Variants in NRP1 observed in about 807,000 individuals in gnomAD.
The protein encoded by NRP1 is neuropilin-1.
A neutral mutation model predicts 106.7 loss-of-function variants in NRP1; 35 were observed. The ratio of observed to expected loss-of-function variants is 0.33; its 90% CI spans 0.25 to 0.43. The LOEUF is 0.43. Among genes scored for constraint, NRP1 ranks in the 20% least tolerant of loss-of-function variants. NRP1 has a pLI of 1.00. For synonymous variants in NRP1, 437 were observed against 417.9 expected (o/e 1.05, Z -0.56); for missense variants, 1,024 against 1,170.4 (o/e 0.87, Z 1.83).
Position 33,231,186 on chromosome 10 carries a change from T to C in NRP1, c.982-4897A>G, listed in dbSNP as rs375764462. 3.3e-5 allele frequency among the ~76,000 whole-genome samples: 5 copies of C among 152,342 alleles called. No individual in the cohort carries two copies. In the South Asian group the frequency reaches 1.0e-3, roughly 32 times the overall value. On this transcript the variant is annotated intron_variant, in intron 6 of 16. Coordinates refer to ENST00000374867, the MANE Select transcript of NRP1 (RefSeq NM_003873.7). ...TGGCCTAGTAGGCTAAACCCCTTTATAGCTCATGTCCCCATCACTGAATTC... is the reference window on the plus strand; with the variant it reads ...TGGCCTAGTAGGCTAAACCCCTTTACAGCTCATGTCCCCATCACTGAATTC...
chr10:33,227,377 T>C (rs1839755489), intron 6 of NRP1, among the ~76,000 whole-genome samples: 1 of 152,206 alleles, frequency 6.6e-6, no homozygotes, highest in Admixed American at 6.5e-5. Flanking sequence ...TTGAAAGCTC[T>C]AAGGGTGTTG....
At chr10:33,242,595 T>A (rs1841105727) in intron 6 of NRP1, among the ~76,000 whole-genome samples, 1 of 152,180 alleles carries the variant, frequency 6.6e-6, no homozygotes. Flanking sequence ...TATCAAAAAA[T>A]TTTTCTTCAG....
chr10:33,237,260 G>C (rs947669411), intron 6 of NRP1, among the ~76,000 whole-genome samples: 11 of 152,152 alleles, frequency 7.2e-5, no homozygotes, highest in African/African-American at 2.2e-4. Context: ...AGGTAATGAT[G>C]TTATGAGACT....
In NRP1 at chr10:33,180,304, G is replaced by T. The variant is rs543044390; in HGVS notation, c.2544C>A (p.Gly848=). The change falls in exon 17 of 17, where the codon GGC becomes GGA. Residue 848 remains glycine (G), a synonymous_variant. Transcript: ENST00000374867. ...EGDKNISRKP[G]NVLKTLDPIL... is the part of the protein sequence containing the mutation. ...TGGGGTCTAAGGTCTTCAACACATT[G>T]CCTGGCTTCCTGGAGATGTTCTTGT... 1.2e-6 allele frequency: 2 copies of T among 1,608,900 alleles called. No individual in the cohort carries two copies. Among genetic ancestry groups the T allele is most frequent in the African/African-American group, 1.3e-5 (1 of 74,912 alleles).
chr10:33,270,502 T>A (rs917334712), intron 3 of NRP1, among the ~76,000 whole-genome samples, 173 bp downstream of exon 3: 2 of 152,068 alleles, frequency 1.3e-5, no homozygotes, highest in Non-Finnish European at 1.5e-5. Context: ...AATTTTTGTA[T>A]TTTTAGTGGA....
At chr10:33,277,277 C>T (rs1330394136) in intron 2 of NRP1, among the ~76,000 whole-genome samples, 1 of 152,122 alleles carries the variant, frequency 6.6e-6, no homozygotes, top group African/African-American at 2.4e-5. Context: ...TCTGGTGAGT[C>T]CCACTGAATG....
intron 4 of NRP1, among the ~76,000 whole-genome samples, chr10:33,262,520 T>C (rs1355596199): frequency 6.6e-6 from 1 of 151,872 alleles, no homozygotes; most frequent in Admixed American, 6.6e-5. Context: ...CTGGCCAACA[T>C]GGTGAAAACC....
intron 10 of NRP1, among the ~76,000 whole-genome samples, chr10:33,203,438 TTTATA>T (rs1352934042): frequency 6.6e-6 from 1 of 152,210 alleles, no homozygotes; most frequent in Admixed American, 6.5e-5. Context: ...GTTTGCTAAG[TTTATA>T]TTATAATTCT....
At chr10:33,315,729 C>T (rs1391767821) in intron 2 of NRP1, among the ~76,000 whole-genome samples, 2 of 149,988 alleles carry the variant, frequency 1.3e-5, no homozygotes, top group Non-Finnish European at 1.5e-5. Flanking sequence ...AAAGAAAGAC[C>T]GCATTTACTT....
intron 11 of NRP1, 35 bp downstream of exon 11, chr10:33,202,856 A>G: frequency 2.5e-6 from 4 of 1,614,196 alleles, no homozygotes; most frequent in Non-Finnish European, 3.4e-6. Context: ...ATGAACTGAA[A>G]TGGTACAGCA....
chr10:33,333,025 A>AT (rs1446913031), intron 1 of NRP1, among the ~76,000 whole-genome samples: 2 of 152,188 alleles, frequency 1.3e-5, no homozygotes, highest in African/African-American at 4.8e-5. Context: ...CAGGGTTACT[A>AT]TAATTTCTAG....
chr10:33,209,635 C>G lies in NRP1; in HGVS notation c.1615-1919G>C, dbSNP rs552345066. Among the ~76,000 whole-genome samples, 101 of 152,194 alleles carry G rather than the reference C, an allele frequency of 6.6e-4. 2 individuals are homozygous for G. The South Asian group carries it at 8.3e-3, about 13-fold the overall frequency. ...GGGCCTGCAGGTGCCCACCAACATG[C>G]CTGGCTGATTTTTGCATTTTCAGTA... On this transcript the variant is annotated intron_variant, in intron 9 of 16. Transcript: ENST00000374867.
intron 2 of NRP1, among the ~76,000 whole-genome samples, chr10:33,313,033 A>G (rs1484896595): frequency 1.3e-5 from 2 of 152,248 alleles, no homozygotes; most frequent in African/African-American, 4.8e-5. Flanking sequence ...TGAATGTTAT[A>G]TTCAACAACA....
At chr10:33,275,549 C>T (rs1453953833) in intron 2 of NRP1, among the ~76,000 whole-genome samples, 1 of 151,798 alleles carries the variant, frequency 6.6e-6, no homozygotes, top group Non-Finnish European at 1.5e-5. Context: ...GCCTGGGCAA[C>T]AGAGCGAGAC....
intron 2 of NRP1, among the ~76,000 whole-genome samples, chr10:33,319,412 C>T (rs1041770566): frequency 1.3e-5 from 2 of 151,996 alleles, no homozygotes; most frequent in African/African-American, 4.8e-5. Context: ...GTAAAATGGA[C>T]CAATGAACAG....
chr10:33,277,186 G>A (rs1169307172), intron 2 of NRP1, among the ~76,000 whole-genome samples: 2 of 152,044 alleles, frequency 1.3e-5, no homozygotes, highest in Non-Finnish European at 2.9e-5. Flanking sequence ...GATATAATCA[G>A]TGAAAAATGC....
intron 2 of NRP1, among the ~76,000 whole-genome samples, chr10:33,308,693 T>C (rs150678560): frequency 0.032 from 4,924 of 152,168 alleles, 127 homozygotes; most frequent in Non-Finnish European, 0.051. Flanking sequence ...GTCACTATGT[T>C]GGCCTGGCTG....
chr10:33,324,873 T>C (rs2804496), intron 2 of NRP1, among the ~76,000 whole-genome samples: 133,283 of 152,210 alleles, frequency 0.88, 58,554 homozygotes, highest in East Asian at 0.99. Context: ...AACTCCTGAC[T>C]TCAAGTGATG....
chr10:33,292,752 C>T (rs1313981741), intron 2 of NRP1, among the ~76,000 whole-genome samples: 1 of 152,116 alleles, frequency 6.6e-6, no homozygotes, highest in Non-Finnish European at 1.5e-5. Flanking sequence ...CTTTGGGAGG[C>T]CGAGGTGGGT....
Sources: allele counts gnomAD v4.1 joint callset (sites outside exome capture counted in the v4.1 genomes callset), GRCh38; gene constraint gnomAD v4.1.1; transcripts MANE v1.5; gene names NCBI Gene and HGNC (gene_info 2026-07-23, HGNC 2026-07-21).